The following DNAH6 variants were observed in gnomAD, a reference collection of about 807,000 sequenced individuals.
DNAH6 encodes dynein axonemal heavy chain 6.
Under a neutral mutation model 491.4 loss-of-function variants are expected in DNAH6, and 340 were observed. That is an observed-to-expected ratio of 0.69 (90% CI 0.63 to 0.76). The LOEUF (loss-of-function observed/expected upper bound fraction) is 0.76, where lower values mean the gene tolerates loss of function less well. Ranked by LOEUF, DNAH6 falls within the 30% of genes least tolerant of loss-of-function variation. DNAH6 has a pLI of 0.00. For synonymous variants in DNAH6, 1,603 were observed against 1,686.1 expected (o/e 0.95, Z 1.21); for missense variants, 4,443 against 4,972.2 (o/e 0.89, Z 3.20).
At chr2:84,680,873 A>G (rs1693716672) in intron 41 of DNAH6, among the ~76,000 whole-genome samples, 1 of 152,132 alleles carries the variant, frequency 6.6e-6, no homozygotes, top group Non-Finnish European at 1.5e-5. Flanking sequence ...CAAGCTCCTG[A>G]TCTAAGCTTA....
rs141806105 is a variant in DNAH6, at chr2:84,615,083, C to G, written c.3476-1803C>G. On this transcript the variant is annotated intron_variant, in intron 22 of 76. Transcript: ENST00000389394. ...TGCTTTTGAGTTTTGGTCGCATTTG[C>G]CTTTGGGTTTTGGTCATGAAGTTCT... 8.8e-3 allele frequency among the ~76,000 whole-genome samples: 1,335 copies of G among 152,026 alleles called. 10 individuals are homozygous for G. The highest frequency in any genetic ancestry group is 0.014 in the Non-Finnish European group (968 of 67,928).
At chr2:84,709,664 G>T in intron 55 of DNAH6, 118 bp downstream of exon 55, 1 of 1,112,906 alleles carries the variant, frequency 9.0e-7, no homozygotes, top group Non-Finnish European at 1.3e-6. Flanking sequence ...CATACATGGA[G>T]ATTTAGACCT....
At chr2:84,576,711 C>T (rs1405973615) in intron 12 of DNAH6, among the ~76,000 whole-genome samples, 1 of 151,976 alleles carries the variant, frequency 6.6e-6, no homozygotes, top group Non-Finnish European at 1.5e-5. Context: ...GAAATGGAGG[C>T]AAGAAGATTA....
At chr2:84,731,936 G>A (rs1331115832) in intron 61 of DNAH6, among the ~76,000 whole-genome samples, 1 of 152,128 alleles carries the variant, frequency 6.6e-6, no homozygotes, top group Non-Finnish European at 1.5e-5. Flanking sequence ...AGAGCAATCA[G>A]CCCACAATTA....
rs200763341 is a variant in DNAH6, at chr2:84,573,482, G to A, written c.1819G>A (p.Ala607Thr). The change falls in exon 12 of 77, where the codon GCA becomes ACA. Residue 607 changes from alanine (A) to threonine (T), a missense_variant. By Grantham distance (58) the Ala-to-Thr change is moderately conservative. Transcript: ENST00000389394. The stretch of plus-strand genomic sequence containing the variant: ...TAACATTTAGGAAACCATTCAGGCC[G>A]CATTTGAATCAGCCCGCATCTATGC... ...ISQIKETIQA[A>T]FESARIYAAT... 70 of 1,581,188 alleles carry A rather than the reference G, an allele frequency of 4.4e-5. No homozygotes were observed. The highest frequency in any genetic ancestry group is 5.5e-5 in the Non-Finnish European group (64 of 1,170,190).
rs878999666 is a variant in DNAH6, at chr2:84,669,309, G to A, written c.6105G>A (p.Leu2035=). 3.2e-6 allele frequency: 5 copies of A among 1,550,294 alleles called. No homozygotes were observed. The South Asian group carries it at 5.9e-5, about 18-fold the overall frequency. The change falls in exon 38 of 77, where the codon CTG becomes CTA. Residue 2035 remains leucine, a synonymous_variant. Transcript: ENST00000389394. ...TTTAGCTTCCCAATTCTGGTGATCT[G>A]TGGAGCATTCATATGGACTTTGACA... ...PDARLPNSGD[L]WSIHMDFDTK... is the part of the protein sequence containing the mutation.
At chr2:84,600,296 T>C (rs1685090799) in intron 18 of DNAH6, among the ~76,000 whole-genome samples, 1 of 152,206 alleles carries the variant, frequency 6.6e-6, no homozygotes, top group Admixed American at 6.5e-5. Flanking sequence ...TCCCATATAC[T>C]CCACATTCCA....
chr2:84,812,533 A>C lies in DNAH6; in HGVS notation c.11925+7A>C. 1 of 1,545,594 alleles carries C rather than the reference A, an allele frequency of 6.5e-7. No individual in the cohort carries two copies. Among genetic ancestry groups the C allele is most frequent in the South Asian group, 1.2e-5 (1 of 82,628 alleles). On this transcript the variant is annotated splice_region_variant and intron_variant, in intron 73 of 76. Coordinates refer to ENST00000389394, the MANE Select transcript of DNAH6 (RefSeq NM_001370.2). ...GAGGACCTCATTTGTGGATGTAAGAAAATTCCTTTCACTGGGTTTTGATGA... is the reference window on the plus strand; with the variant it reads ...GAGGACCTCATTTGTGGATGTAAGACAATTCCTTTCACTGGGTTTTGATGA...
At chr2:84,612,634 C>T (rs1303704349) in intron 22 of DNAH6, among the ~76,000 whole-genome samples, 1 of 152,126 alleles carries the variant, frequency 6.6e-6, no homozygotes, top group African/African-American at 2.4e-5. Context: ...TTCCTTGGCT[C>T]ATGGCCTTCT....
At position 84,658,370 on chromosome 2, in the gene DNAH6, A is replaced by T; in HGVS notation, c.5836A>T (p.Lys1946Ter). ...TGAAGGTTTACATTTTATCAATAAAAAGTGCAGCCAAGCAATTCCACAAGT... is the reference window on the plus strand; with the variant it reads ...TGAAGGTTTACATTTTATCAATAAATAGTGCAGCCAAGCAATTCCACAAGT... Reference protein sequence around the residue: ...VDEGLHFINKKCSQAIPQVDI... With the variant: ...VDEGLHFINK Residue 1946 changes from lysine (K) to a stop codon, truncating the protein, a stop_gained, in exon 36 of 77, where the codon AAG (lysine) becomes TAG (stop). Transcript: ENST00000389394. LOFTEE classifies it high-confidence loss of function. 1 of 1,549,188 alleles carries T rather than the reference A, an allele frequency of 6.5e-7. No individual in the cohort carries two copies. Among genetic ancestry groups the T allele is most frequent in the Non-Finnish European group, 8.7e-7 (1 of 1,145,544 alleles).
the DNAH6 span, among the ~76,000 whole-genome samples, chr2:84,496,254 A>T: frequency 8.5e-5 from 13 of 152,324 alleles, no homozygotes; most frequent in African/African-American, 2.4e-4. Flanking sequence ...AAGCCTTCTT[A>T]TGCTAATTTA....
rs1226297867 is a variant in DNAH6, at chr2:84,709,527, T to C, written c.9233T>C (p.Met3078Thr). ...ACTCAAGGCAGAAGATGGCCTTTGA[T>C]GATTGATCCCCAAGATCAGGTGTGT... is the stretch of plus-strand genomic sequence containing the variant. ...LVTQGRRWPL[M>T]IDPQDQANRW... The change falls in exon 55 of 77, where the codon ATG (methionine) becomes ACG (threonine). Residue 3078 changes from methionine (M) to threonine (T), a missense_variant. Coordinates refer to ENST00000389394, the MANE Select transcript of DNAH6 (RefSeq NM_001370.2). The C allele has an allele frequency of 6.4e-7, 1 of 1,551,764 alleles. No homozygotes were observed. Among genetic ancestry groups the C allele is most frequent in the Admixed American group, 2.0e-5 (1 of 51,008 alleles).
the DNAH6 span, among the ~76,000 whole-genome samples, chr2:84,492,562 T>C: frequency 1.3e-5 from 2 of 152,242 alleles, no homozygotes; most frequent in Non-Finnish European, 2.9e-5. Context: ...CATATTTTTG[T>C]TTCTTTTCCC....
chr2:84,605,300 C>T (rs145321121), intron 19 of DNAH6, among the ~76,000 whole-genome samples, 200 bp from the exon 20 acceptor site: 4,148 of 148,228 alleles, frequency 0.028, 209 homozygotes, highest in African/African-American at 0.1. Flanking sequence ...TTGCAGTGAG[C>T]CGAGGTTACA....
intron 14 of DNAH6, among the ~76,000 whole-genome samples, chr2:84,581,422 A>G (rs1478480166): frequency 1.3e-5 from 2 of 152,240 alleles, no homozygotes; most frequent in Non-Finnish European, 2.9e-5. Flanking sequence ...ATTACAATGA[A>G]TAAACCTGCT....
chr2:84,612,667 C>A (rs1018747908), intron 22 of DNAH6, among the ~76,000 whole-genome samples: 3 of 152,140 alleles, frequency 2.0e-5, no homozygotes, highest in African/African-American at 7.2e-5. Flanking sequence ...CCTCAGGACA[C>A]CGACCTCTGT....
At position 84,548,361 on chromosome 2, in the gene DNAH6, G is replaced by A; in HGVS notation, c.1260G>A (p.Glu420=). 6.2e-7 allele frequency: 1 copy of A among 1,613,972 alleles called. No individual in the cohort carries two copies. The highest frequency in any genetic ancestry group is 8.5e-7 in the Non-Finnish European group (1 of 1,179,924). Residue 420 remains glutamate (E), a synonymous_variant, in exon 8 of 77, where the codon GAG becomes GAA. Transcript: ENST00000389394. ...PHELPTYGDS[E]KMTYTEQASK... is the part of the protein sequence containing the mutation. Reference sequence around the variant, plus strand: ...AGTTGCCCACTTATGGAGACTCTGAGAAAATGACATATACAGAACAGGCCA... The same window carrying A: ...AGTTGCCCACTTATGGAGACTCTGAAAAAATGACATATACAGAACAGGCCA...
chr2:84,715,851 C>T (rs1226261350), intron 58 of DNAH6, among the ~76,000 whole-genome samples: 2 of 152,104 alleles, frequency 1.3e-5, no homozygotes, highest in Non-Finnish European at 2.9e-5. Context: ...CAAGGATAGA[C>T]CCTTAATTCC....
chr2:84,564,587 G>T (rs1364930213), intron 11 of DNAH6, among the ~76,000 whole-genome samples: 1 of 152,086 alleles, frequency 6.6e-6, no homozygotes, highest in African/African-American at 2.4e-5. Context: ...GGGGCCTTTT[G>T]GCAGAGTCTT....
Sources: gnomAD v4.1 joint callset for allele counts (sites outside exome capture counted in the v4.1 genomes callset) on GRCh38, gnomAD v4.1.1 for gene constraint, MANE v1.5 for transcripts, NCBI Gene and HGNC (gene_info 2026-07-23, HGNC 2026-07-21) for gene names.